The following CADPS2 variants were observed in gnomAD, a reference collection of about 807,000 sequenced individuals.
The protein encoded by CADPS2 is calcium dependent secretion activator 2, also known as calcium-dependent secretion activator 2.
Under a neutral mutation model 172.5 loss-of-function variants are expected in CADPS2, and 93 were observed. That is an observed-to-expected ratio of 0.54 (90% CI 0.46 to 0.64). CADPS2 has a LOEUF of 0.64. CADPS2 is among the 30% of genes least tolerant of loss of function. The pLI, the probability that CADPS2 is intolerant of heterozygous loss-of-function variation, is 0.00. For missense variants in CADPS2, 1,420 were observed against 1,565.9 expected, an observed-to-expected ratio of 0.91 and a Z score of 1.57; for synonymous variants, 546 against 555.2, an observed-to-expected ratio of 0.98 and a Z score of 0.23.
chr7:122,666,244 A>T (rs1448242374), intron 2 of CADPS2, among the ~76,000 whole-genome samples: 1 of 152,140 alleles, frequency 6.6e-6, no homozygotes. Flanking sequence ...GGTGGAACTC[A>T]GGGAAGCTCA....
At chr7:122,492,251 A>G (rs971836726) in intron 9 of CADPS2, among the ~76,000 whole-genome samples, 3 of 152,160 alleles carry the variant, frequency 2.0e-5, no homozygotes, top group African/African-American at 7.2e-5. Flanking sequence ...AAAGTTGAGA[A>G]TTTAGTGGCC....
chr7:122,446,330 C>T (rs1430201707), intron 15 of CADPS2, among the ~76,000 whole-genome samples: 1 of 152,020 alleles, frequency 6.6e-6, no homozygotes. Flanking sequence ...TTTTGTATTC[C>T]TTTAAATATG....
At chr7:122,529,501 C>A (rs2061572185) in intron 8 of CADPS2, among the ~76,000 whole-genome samples, 1 of 151,836 alleles carries the variant, frequency 6.6e-6, no homozygotes, top group Admixed American at 6.6e-5. Context: ...TGTAGAGGAA[C>A]AATACTAATT....
chr7:122,688,381 G>C (rs908077581), intron 2 of CADPS2, among the ~76,000 whole-genome samples: 2 of 152,224 alleles, frequency 1.3e-5, no homozygotes, highest in African/African-American at 2.4e-5. Flanking sequence ...CTGGATCATT[G>C]CAACAGCCTT....
At chr7:122,713,426 A>G (rs996801348) in intron 2 of CADPS2, among the ~76,000 whole-genome samples, 4 of 152,098 alleles carry the variant, frequency 2.6e-5, no homozygotes, top group Non-Finnish European at 5.9e-5. Context: ...CATGAGGATT[A>G]AAAGAAACAA....
chr7:122,351,006 G>T (rs1255231277), intron 27 of CADPS2, among the ~76,000 whole-genome samples: 1 of 151,392 alleles, frequency 6.6e-6, no homozygotes, highest in Admixed American at 6.6e-5. Flanking sequence ...TTTAAACAAC[G>T]AACAAGTCAC....
At chr7:122,795,390 C>T (rs144528590) in intron 1 of CADPS2, among the ~76,000 whole-genome samples, 2,290 of 152,092 alleles carry the variant, frequency 0.015, 57 homozygotes, top group African/African-American at 0.052. Context: ...CACATACACC[C>T]TCCCAAGACT....
chr7:122,806,041 T>A (rs899422748), intron 1 of CADPS2, among the ~76,000 whole-genome samples: 1 of 152,372 alleles, frequency 6.6e-6, no homozygotes, highest in Admixed American at 6.5e-5. Context: ...CTTTGTTTTA[T>A]GATCATTTCT....
chr7:122,323,471 A>C (rs2033039651), intron 29 of CADPS2, among the ~76,000 whole-genome samples: 1 of 152,128 alleles, frequency 6.6e-6, no homozygotes, highest in East Asian at 1.9e-4. Flanking sequence ...AATACTTAAG[A>C]TCTACTCTCT....
chr7:122,456,249 T>C (rs961758894), intron 14 of CADPS2, among the ~76,000 whole-genome samples: 1 of 152,064 alleles, frequency 6.6e-6, no homozygotes, highest in African/African-American at 2.4e-5. Context: ...TTGACATTGA[T>C]AAAGATTCTG....
At chr7:122,543,643 T>C (rs953883939) in intron 8 of CADPS2, among the ~76,000 whole-genome samples, 7 of 152,138 alleles carry the variant, frequency 4.6e-5, no homozygotes, top group Non-Finnish European at 1.0e-4. Context: ...GTAGGGAGTA[T>C]TCAAGATTAT....
intron 11 of CADPS2, among the ~76,000 whole-genome samples, chr7:122,488,811 C>T (rs2058056950): frequency 6.6e-6 from 1 of 152,080 alleles, no homozygotes. Context: ...TTTTTGGCAA[C>T]ATTAGAAATT....
intron 2 of CADPS2, among the ~76,000 whole-genome samples, chr7:122,703,948 CTTA>C (rs1254257098): frequency 2.0e-5 from 3 of 151,976 alleles, no homozygotes. Flanking sequence ...TTAAAGATGC[CTTA>C]TTGTTTAGTT....
At chr7:122,518,713 G>A (rs749898288) in intron 8 of CADPS2, among the ~76,000 whole-genome samples, 1 of 151,716 alleles carries the variant, frequency 6.6e-6, no homozygotes, top group Non-Finnish European at 1.5e-5. Flanking sequence ...TTTTTTAAGG[G>A]TATGTAAATG....
intron 27 of CADPS2, among the ~76,000 whole-genome samples, chr7:122,346,267 G>A (rs184399266): frequency 6.6e-6 from 1 of 152,042 alleles, no homozygotes; most frequent in African/African-American, 2.4e-5. Context: ...AGCCAGGAGG[G>A]TGAGGCAGGA....
Position 122,554,666 on chromosome 7 carries a change from A to G in CADPS2, c.1359T>C (p.Asn453=). ...LGRVILYPTS[N]SSKSAELHRM... ...GGTGTAATTCAGCTGATTTGGAGCT[A>G]TTAGAAGTTGGGTATAATATCACCT... The change falls in exon 8 of 30, where the codon AAT becomes AAC. Residue 453 remains asparagine, a synonymous_variant. Transcript: ENST00000449022. The G allele has an allele frequency of 6.2e-7, 1 of 1,608,562 alleles. No individual in the cohort carries two copies. Among genetic ancestry groups the G allele is most frequent in the Non-Finnish European group, 8.5e-7 (1 of 1,177,588 alleles).
At chr7:122,373,363 G>A (rs2041991586) in intron 25 of CADPS2, among the ~76,000 whole-genome samples, 1 of 151,964 alleles carries the variant, frequency 6.6e-6, no homozygotes, top group African/African-American at 2.4e-5. Context: ...TGGAGATTGG[G>A]GTATGGAAAT....
intron 14 of CADPS2, among the ~76,000 whole-genome samples, chr7:122,453,070 T>C (rs2053333966): frequency 6.6e-6 from 1 of 152,220 alleles, no homozygotes. Flanking sequence ...CAGAGACTCA[T>C]GTGCTGCTGG....
chr7:122,405,038 C>G (rs1206668745), intron 20 of CADPS2, among the ~76,000 whole-genome samples: 4 of 151,792 alleles, frequency 2.6e-5, no homozygotes, highest in African/African-American at 7.3e-5. Context: ...GCCGAGATCG[C>G]GTCATTGCAC....
Sources: allele counts gnomAD v4.1 joint callset (sites outside exome capture counted in the v4.1 genomes callset), GRCh38; gene constraint gnomAD v4.1.1; transcripts MANE v1.5; gene names NCBI Gene and HGNC (gene_info 2026-07-23, HGNC 2026-07-21).